ADAM7: variants seen among roughly 807,000 people sequenced by gnomAD.
ADAM7 encodes ADAM metallopeptidase domain 7, also known as disintegrin and metalloproteinase domain-containing protein 7.
ADAM7 carries 97 observed loss-of-function variants against 102.9 expected under a neutral mutation model. The observed-to-expected ratio is 0.94, with a 90% CI of 0.80 to 1.12. The LOEUF (loss-of-function observed/expected upper bound fraction) is 1.12, where lower values mean the gene tolerates loss of function less well. Among genes scored for constraint, ADAM7 ranks in the 50% most tolerant of loss-of-function variants. ADAM7 has a pLI of 0.00. For synonymous variants in ADAM7, 334 were observed against 304.4 expected (o/e 1.10, Z -1.01); for missense variants, 991 against 908.7 (o/e 1.09, Z -1.16).
intron 3 of ADAM7, among the ~76,000 whole-genome samples, chr8:24,460,899 C>T (rs1316056326): frequency 3.9e-5 from 6 of 151,994 alleles, no homozygotes; most frequent in African/African-American, 1.4e-4. Flanking sequence ...GTTACAGGTT[C>T]AGTTTTTTTC....
intron 3 of ADAM7, among the ~76,000 whole-genome samples, chr8:24,460,583 T>C (rs74642067): frequency 0.044 from 6,699 of 152,126 alleles, 212 homozygotes; most frequent in African/African-American, 0.06. Context: ...ATTTTAGAGA[T>C]TGCAGCATAT....
At chr8:24,497,147 T>G (rs1400836689) in intron 16 of ADAM7, among the ~76,000 whole-genome samples, 1 of 152,218 alleles carries the variant, frequency 6.6e-6, no homozygotes, top group African/African-American at 2.4e-5. Flanking sequence ...ACAAGCTCTC[T>G]CTTTGCCTGC....
At chr8:24,454,469 A>G (rs1408110661) in intron 3 of ADAM7, among the ~76,000 whole-genome samples, 1 of 152,190 alleles carries the variant, frequency 6.6e-6, no homozygotes, top group Non-Finnish European at 1.5e-5. Context: ...GGTGCGGGAT[A>G]TAATCTCCTG....
At chr8:24,495,084 AG>A (rs1344531532) in intron 16 of ADAM7, among the ~76,000 whole-genome samples, 2 of 152,148 alleles carry the variant, frequency 1.3e-5, no homozygotes, top group African/African-American at 4.8e-5. Flanking sequence ...AAAGTATGTG[AG>A]GAGGCTGGGT....
intron 1 of ADAM7, 46 bp from the exon 2 acceptor site, chr8:24,442,427 G>A (rs761720958): frequency 4.4e-5 from 58 of 1,320,538 alleles, no homozygotes; most frequent in Non-Finnish European, 5.8e-5. Context: ...CGCTGTAGAC[G>A]AATGTTAATG....
In ADAM7 at chr8:24,509,094, G is replaced by C. The variant is rs1370958464; in HGVS notation, c.*548G>C. 1 of 985,574 alleles carries C rather than the reference G, an allele frequency of 1.0e-6. No homozygotes were observed. The highest frequency in any genetic ancestry group is 6.1e-5 in the Admixed American group (1 of 16,274). The allele number at this position is 985,574 out of a possible 1,614,324, so 61.1% of individuals were successfully genotyped here. A position where few individuals can be genotyped will look rare whatever the true frequency, so the allele number is the denominator to read the frequency against. On this transcript the variant is annotated 3_prime_UTR_variant, in exon 22 of 22. Coordinates refer to ENST00000175238, the MANE Select transcript of ADAM7 (RefSeq NM_003817.4). ...AGGCAGAAGAATAGTGGACAGAACT[G>C]CAGGATAGTCCTTAAAATAATGGTG...
At chr8:24,446,267 C>G (rs1818555027) in intron 2 of ADAM7, among the ~76,000 whole-genome samples, 1 of 151,918 alleles carries the variant, frequency 6.6e-6, no homozygotes. Context: ...CTACAAATAA[C>G]TAAATAAATA....
chr8:24,442,047 A>C (rs898809857), intron 1 of ADAM7, among the ~76,000 whole-genome samples: 3 of 152,022 alleles, frequency 2.0e-5, no homozygotes, highest in Non-Finnish European at 2.9e-5. Context: ...GGTGGTGTGC[A>C]CTTGTAATCC....
At chr8:24,451,677 C>G (rs1391944603) in intron 3 of ADAM7, among the ~76,000 whole-genome samples, 2 of 151,170 alleles carry the variant, frequency 1.3e-5, no homozygotes, top group African/African-American at 4.9e-5. Flanking sequence ...TTAGTTATTT[C>G]TTGCCTTCTG....
intron 3 of ADAM7, among the ~76,000 whole-genome samples, chr8:24,448,346 T>A (rs1818643880): frequency 6.6e-6 from 1 of 152,178 alleles, no homozygotes; most frequent in South Asian, 2.1e-4. Flanking sequence ...TGAGTCAATT[T>A]CATTGTATTA....
chr8:24,493,983 G>A (rs552190467), intron 16 of ADAM7, among the ~76,000 whole-genome samples: 165 of 152,234 alleles, frequency 1.1e-3, no homozygotes, highest in Non-Finnish European at 2.0e-3. Context: ...ATGGCAAGAT[G>A]ACAACATTAG....
intron 14 of ADAM7, 29 bp downstream of exon 14, chr8:24,492,127 C>T (rs2129392393): frequency 2.5e-6 from 4 of 1,591,628 alleles, no homozygotes; most frequent in East Asian, 2.2e-5. Flanking sequence ...GAAGTATTCA[C>T]ACAGATGGTG....
Position 24,500,220 on chromosome 8 carries a change from G to T in ADAM7, c.1966G>T (p.Ala656Ser). 9 of 1,612,164 alleles carry T rather than the reference G, an allele frequency of 5.6e-6. No homozygotes were observed. The highest frequency in any genetic ancestry group is 7.6e-6 in the Non-Finnish European group (9 of 1,178,650). The change falls in exon 18 of 22, where the codon GCA becomes TCA. Residue 656 changes from alanine (A) to serine (S), a missense_variant. Physicochemically the swap from Ala to Ser is moderately conservative, Grantham distance 99. Coordinates refer to ENST00000175238, the MANE Select transcript of ADAM7 (RefSeq NM_003817.4). ...GLQCHCEEGQAPVACEETLHV... is the reference protein window; with the variant it reads ...GLQCHCEEGQSPVACEETLHV... ...CCAGTGCCACTGTGAGGAAGGACAG[G>T]CACCTGTAGCCTGTGAAGAAACCTT...
chr8:24,464,167 A>G (rs1334717450), intron 4 of ADAM7, among the ~76,000 whole-genome samples: 2 of 152,180 alleles, frequency 1.3e-5, no homozygotes, highest in Admixed American at 6.5e-5. Flanking sequence ...CAAATCAATG[A>G]CTGCTAATAT....
chr8:24,476,268 A>G (rs529099777), intron 7 of ADAM7, among the ~76,000 whole-genome samples, 165 bp from the exon 8 acceptor site: 3 of 152,270 alleles, frequency 2.0e-5, no homozygotes, highest in South Asian at 2.1e-4. Flanking sequence ...TTTTATATCA[A>G]AAATGTATTT....
At chr8:24,490,761 A>G (rs536131082) in intron 12 of ADAM7, 38 bp from the exon 13 acceptor site, 6 of 1,595,330 alleles carry the variant, frequency 3.8e-6, no homozygotes, top group East Asian at 4.5e-5. Flanking sequence ...GTCAGAGTAC[A>G]TACCAATTTC....
chr8:24,476,795 A>G (rs1223756798), intron 8 of ADAM7, among the ~76,000 whole-genome samples: 3 of 152,180 alleles, frequency 2.0e-5, no homozygotes, highest in African/African-American at 7.2e-5. Flanking sequence ...ACTGTAAACC[A>G]AATCACACTA....
chr8:24,492,630 T>C, intron 15 of ADAM7, 33 bp downstream of exon 15: 1 of 1,507,214 alleles, frequency 6.6e-7, no homozygotes, highest in Non-Finnish European at 9.2e-7. Context: ...GTAATTTGCC[T>C]TCTTACAGCA....
chr8:24,507,559 C>T, intron 21 of ADAM7, 24 bp downstream of exon 21: 1 of 1,582,226 alleles, frequency 6.3e-7, no homozygotes. Flanking sequence ...ACAGATAGTA[C>T]CTCCCTTTTT....
Sources: gnomAD v4.1 joint callset for allele counts (sites outside exome capture counted in the v4.1 genomes callset) on GRCh38, gnomAD v4.1.1 for gene constraint, MANE v1.5 for transcripts, NCBI Gene and HGNC (gene_info 2026-07-23, HGNC 2026-07-21) for gene names.